GTF2A2: variants seen among roughly 807,000 people sequenced by gnomAD.
GTF2A2 encodes the protein general transcription factor IIA subunit 2, also known as transcription initiation factor IIA subunit 2.
GTF2A2 carries 9 observed loss-of-function variants against 14.3 expected under a neutral mutation model. That is an observed-to-expected ratio of 0.63 (90% confidence interval 0.38 to 1.10). The LOEUF is 1.10. Ranked by LOEUF, GTF2A2 falls within the 50% of genes least tolerant of loss-of-function variation. The pLI is 0.01. For missense variants in GTF2A2, 90 were observed against 124.6 expected (o/e 0.72, Z 1.32); for synonymous variants, 56 against 46.0 (o/e 1.22, Z -0.88).
intron 1 of GTF2A2, 58 bp from the exon 2 acceptor site, chr15:59,652,384 T>C (rs781544325): frequency 9.1e-5 from 57 of 628,546 alleles, no homozygotes; most frequent in Non-Finnish European, 1.5e-4. Flanking sequence ...ATAAATTATG[T>C]ATATAATATC....
chr15:59,644,531 C>G (rs536350282), intron 3 of GTF2A2, among the ~76,000 whole-genome samples: 1 of 152,312 alleles, frequency 6.6e-6, no homozygotes, highest in East Asian at 1.9e-4. Context: ...CAGCTCCCTG[C>G]CACTGGTGAG....
At chr15:59,653,463 C>A (rs1208762553) in intron 1 of GTF2A2, among the ~76,000 whole-genome samples, 1 of 152,182 alleles carries the variant, frequency 6.6e-6, no homozygotes, top group African/African-American at 2.4e-5. Flanking sequence ...TGAAACATTT[C>A]TTTGGCTTTG....
chr15:59,650,152 A>G lies in GTF2A2; in HGVS notation c.177+517T>C, dbSNP rs533886260. On this transcript the variant is annotated intron_variant, in intron 3 of 4. Transcript: ENST00000396060. Reference sequence around the variant, plus strand: ...ATTCAGCTTTGGATGACTACTGTTCAAAGTATAAGTGACTGAAGTGAGACC... The same window carrying G: ...ATTCAGCTTTGGATGACTACTGTTCGAAGTATAAGTGACTGAAGTGAGACC... Among the ~76,000 whole-genome samples the G allele has an allele frequency of 7.5e-4, 115 of 152,328 alleles. 2 individuals are homozygous for G. Among genetic ancestry groups the G allele is most frequent in the Admixed American group, 5.4e-3 (82 of 15,302 alleles).
intron 4 of GTF2A2, among the ~76,000 whole-genome samples, chr15:59,641,911 A>C (rs1236800587): frequency 6.6e-6 from 1 of 152,246 alleles, no homozygotes; most frequent in Non-Finnish European, 1.5e-5. Flanking sequence ...TTTTACCCAC[A>C]CAAATCCAAC....
At chr15:59,654,283 T>C (rs763925153) in intron 1 of GTF2A2, among the ~76,000 whole-genome samples, 2 of 152,198 alleles carry the variant, frequency 1.3e-5, no homozygotes, top group African/African-American at 2.4e-5. Context: ...CTGGTCATAC[T>C]GGTCCCCTGC....
At chr15:59,640,156 T>TACTACACTGTGCTGAAGTGTGAG (rs1891358375) in intron 4 of GTF2A2, 1 of 151,684 alleles carries the variant, frequency 6.6e-6, no homozygotes, top group Non-Finnish European at 1.5e-5. Flanking sequence ...AAAGATCAAT[T>TACTACACTGTGCTGAAGTGTGAG]ACTACACCGT....
chr15:59,650,655 G>A lies in GTF2A2; in HGVS notation c.177+14C>T. 1 of 1,451,786 alleles carries A rather than the reference G, an allele frequency of 6.9e-7. No individual in the cohort carries two copies. The highest frequency in any genetic ancestry group is 9.7e-7 in the Non-Finnish European group (1 of 1,033,068). 89.9% of individuals were successfully genotyped at this position (1,451,786 alleles called of 1,614,324 possible). On this transcript the variant is annotated intron_variant, in intron 3 of 4. Transcript: ENST00000396060. ...CATTGGTACAGGCTTCTAGATTCAG[G>A]AAAATATCCTTACCCTGAAATTGAC...
chr15:59,651,686 ATTTAAC>A (rs1891797070), intron 2 of GTF2A2: 1 of 152,100 alleles, frequency 6.6e-6, no homozygotes, highest in African/African-American at 2.4e-5. Context: ...ATTTTTGAAG[ATTTAAC>A]TTTATTTATT....
intron 1 of GTF2A2, among the ~76,000 whole-genome samples, chr15:59,656,618 A>G (rs1473439405): frequency 6.6e-6 from 1 of 152,204 alleles, no homozygotes; most frequent in African/African-American, 2.4e-5. Flanking sequence ...ACGAAGGCAA[A>G]TATCAGTAAG....
intron 1 of GTF2A2, among the ~76,000 whole-genome samples, chr15:59,655,509 CT>C (rs1891916372): frequency 6.6e-6 from 1 of 152,212 alleles, no homozygotes; most frequent in Admixed American, 6.5e-5. Context: ...GGACACTGCC[CT>C]TTTCGGATTG....
At chr15:59,653,269 AG>A (rs1891847806) in intron 1 of GTF2A2, among the ~76,000 whole-genome samples, 1 of 152,126 alleles carries the variant, frequency 6.6e-6, no homozygotes, top group African/African-American at 2.4e-5. Context: ...ATATTTACTG[AG>A]CTTCCACTAC....
chr15:59,650,313 T>A (rs980918835), intron 3 of GTF2A2, among the ~76,000 whole-genome samples: 1 of 152,188 alleles, frequency 6.6e-6, no homozygotes, highest in African/African-American at 2.4e-5. Flanking sequence ...GGCCAGACTT[T>A]GAAAACCATA....
intron 4 of GTF2A2, 117 bp from the exon 5 acceptor site, chr15:59,639,274 G>A (rs759898999): frequency 1.7e-5 from 12 of 713,396 alleles, no homozygotes; most frequent in Non-Finnish European, 2.8e-5. Context: ...GTGGTGGCTT[G>A]CAGGGTGGGG....
chr15:59,638,319 T>G lies in GTF2A2; in HGVS notation c.*813A>C, dbSNP rs1465278127. ...TTTTACTCCAATTGGGTCAATCCAG[T>G]TAACCATGTAAGAAACTCCTCACCT... On this transcript the variant is annotated 3_prime_UTR_variant, in exon 5 of 5. Coordinates refer to ENST00000396060, the MANE Select transcript of GTF2A2 (RefSeq NM_004492.3). 1 of 152,172 alleles carries G rather than the reference T, an allele frequency of 6.6e-6. No individual in the cohort carries two copies. The highest frequency in any genetic ancestry group is 1.5e-5 in the Non-Finnish European group (1 of 68,036). 9.4% of individuals were successfully genotyped at this position (152,172 alleles called of 1,614,324 possible).
chr15:59,648,130 C>T (rs1051002183), intron 3 of GTF2A2, among the ~76,000 whole-genome samples: 4 of 151,840 alleles, frequency 2.6e-5, no homozygotes, highest in African/African-American at 7.3e-5. Flanking sequence ...TAGTTATGGC[C>T]GGGTGCGGTA....
chr15:59,640,516 AAAATT>A (rs1374783926), intron 4 of GTF2A2, among the ~76,000 whole-genome samples: 1 of 152,192 alleles, frequency 6.6e-6, no homozygotes, highest in Non-Finnish European at 1.5e-5. Flanking sequence ...TCAAATTAAT[AAAATT>A]AAAACATTGA....
chr15:59,647,584 T>C (rs553827127), intron 3 of GTF2A2, among the ~76,000 whole-genome samples: 9 of 152,122 alleles, frequency 5.9e-5, no homozygotes, highest in Non-Finnish European at 1.0e-4. Flanking sequence ...CAACATGTTT[T>C]TGTATTTTTT....
Position 59,638,428 on chromosome 15 carries a change from A to C in GTF2A2, c.*704T>G, listed in dbSNP as rs1217785039. 1 of 138,986 alleles carries C rather than the reference A, an allele frequency of 7.2e-6. No homozygotes were observed. Among genetic ancestry groups the C allele is most frequent in the East Asian group, 2.7e-4 (1 of 3,674 alleles). The allele number at this position is 138,986 out of a possible 1,614,324, so 8.6% of individuals were successfully genotyped here. ...ATAATTAGACTTTATTGTAAGTCTA[A>C]TGTATCTTGTACATGATAAAATGTA... On this transcript the variant is annotated 3_prime_UTR_variant, in exon 5 of 5. Coordinates refer to ENST00000396060, the MANE Select transcript of GTF2A2 (RefSeq NM_004492.3).
At chr15:59,641,195 T>TAA (rs1490898871) in intron 4 of GTF2A2, among the ~76,000 whole-genome samples, 1 of 99,346 alleles carries the variant, frequency 1.0e-5, no homozygotes. Flanking sequence ...TTTTTTTTTT[T>TAA]TTTTTAAGGC....
Sources: allele counts gnomAD v4.1 joint callset (sites outside exome capture counted in the v4.1 genomes callset), GRCh38; gene constraint gnomAD v4.1.1; transcripts MANE v1.5; gene names NCBI Gene and HGNC (gene_info 2026-07-23, HGNC 2026-07-21).